The following USP6NL variants were observed in gnomAD, a reference collection of about 807,000 sequenced individuals.
USP6NL encodes USP6 N-terminal like, also known as USP6 N-terminal-like protein.
A neutral mutation model predicts 61.9 loss-of-function variants in USP6NL; 26 were observed. The observed-to-expected ratio is 0.42, with a 90% CI of 0.31 to 0.58. The LOEUF is 0.58. Among genes scored for constraint, USP6NL ranks in the 20% least tolerant of loss-of-function variants. The probability of loss-of-function intolerance (pLI) is 0.16; values close to 1 mark genes in which losing one functional copy is unlikely to be tolerated. For missense variants in USP6NL, 1,114 were observed against 1,034.3 expected (o/e 1.08, Z -1.06); for synonymous variants, 432 against 390.1 (o/e 1.11, Z -1.27).
chr10:11,509,574 A>G, intron 6 of USP6NL, 21 bp downstream of exon 6: 3 of 1,523,674 alleles, frequency 2.0e-6, no homozygotes, highest in East Asian at 2.4e-5. Flanking sequence ...TTTCATATGG[A>G]AAAACATGAT....
chr10:11,542,784 G>A (rs895558338), intron 2 of USP6NL, among the ~76,000 whole-genome samples: 2 of 152,024 alleles, frequency 1.3e-5, no homozygotes, highest in Admixed American at 1.3e-4. Flanking sequence ...AGAGAAAGCT[G>A]CAATGTTACA....
chr10:11,493,308 T>C (rs1833780094), intron 7 of USP6NL, 80 bp from the exon 8 acceptor site: 2 of 1,265,284 alleles, frequency 1.6e-6, no homozygotes, highest in Non-Finnish European at 2.2e-6. Context: ...ATAATTCTCA[T>C]TAAAAAGTTT....
At position 11,561,101 on chromosome 10, in the gene USP6NL, T is replaced by C. The variant is rs1203131274; in HGVS notation, c.5-33534A>G. Among the ~76,000 whole-genome samples, 1 of 152,204 alleles carries C rather than the reference T, an allele frequency of 6.6e-6. No individual in the cohort carries two copies. Among genetic ancestry groups the C allele is most frequent in the Non-Finnish European group, 1.5e-5 (1 of 68,028 alleles). On this transcript the variant is annotated intron_variant, in intron 2 of 14. Transcript: ENST00000609104. The surrounding 1 kb of genome is among the most constrained non-coding windows in gnomAD (Gnocchi z 4.1). The stretch of plus-strand genomic sequence containing the variant: ...TGAGTTGCAAAGAAAAAACATTTAG[T>C]ATACTCTATGTCATAGGACGGTAAA...
chr10:11,566,087 G>C (rs1413932970), intron 2 of USP6NL, among the ~76,000 whole-genome samples: 3 of 152,180 alleles, frequency 2.0e-5, no homozygotes, highest in Non-Finnish European at 4.4e-5. Flanking sequence ...CACAGGGCTA[G>C]AGCTGGATGG....
intron 2 of USP6NL, among the ~76,000 whole-genome samples, chr10:11,582,630 G>A (rs1002189725): frequency 6.6e-6 from 1 of 152,162 alleles, no homozygotes; most frequent in Non-Finnish European, 1.5e-5. Context: ...GATAGTAATT[G>A]TTTATGAACA....
chr10:11,535,040 A>G (rs1591900008), intron 2 of USP6NL, among the ~76,000 whole-genome samples: 1 of 152,222 alleles, frequency 6.6e-6, no homozygotes, highest in African/African-American at 2.4e-5. Flanking sequence ...AACTAGAATC[A>G]TTCTAAAATC....
intron 2 of USP6NL, among the ~76,000 whole-genome samples, chr10:11,552,585 T>C (rs1207900392): frequency 6.6e-6 from 1 of 152,218 alleles, no homozygotes; most frequent in Admixed American, 6.5e-5. Context: ...TGAAGTTCTA[T>C]AACATCCTTT....
At chr10:11,576,426 T>C (rs999292824) in intron 2 of USP6NL, among the ~76,000 whole-genome samples, 1 of 152,194 alleles carries the variant, frequency 6.6e-6, no homozygotes, top group Non-Finnish European at 1.5e-5. Context: ...GGTGATGGTA[T>C]CATGAAGCAG....
At position 11,556,390 on chromosome 10, in the gene USP6NL, T is replaced by C. The variant is rs140505911; in HGVS notation, c.5-28823A>G. Reference sequence around the variant, plus strand: ...CAGGAGAAAAAGAATTTAAAACATGTAGAAAGATAGAAACAGAAAGTCAGA... The same window carrying C: ...CAGGAGAAAAAGAATTTAAAACATGCAGAAAGATAGAAACAGAAAGTCAGA... On this transcript the variant is annotated intron_variant, in intron 2 of 14. Coordinates refer to ENST00000609104, the MANE Select transcript of USP6NL (RefSeq NM_014688.5). 4.7e-4 allele frequency among the ~76,000 whole-genome samples: 72 copies of C among 152,148 alleles called. No homozygotes were observed. In the East Asian group the frequency reaches 0.014, roughly 29 times the overall value.
At chr10:11,494,599 A>G (rs1348222062) in intron 7 of USP6NL, among the ~76,000 whole-genome samples, 1 of 152,106 alleles carries the variant, frequency 6.6e-6, no homozygotes, top group African/African-American at 2.4e-5. Flanking sequence ...GTCTGGCTGC[A>G]CTGTTATTTA....
At chr10:11,484,244 G>A (rs1833363869) in intron 13 of USP6NL, among the ~76,000 whole-genome samples, 2 of 152,066 alleles carry the variant, frequency 1.3e-5, no homozygotes, top group East Asian at 3.8e-4. Flanking sequence ...TACAAGAGAA[G>A]TCACAGAATT....
chr10:11,593,244 G>C (rs1246412028), intron 2 of USP6NL, among the ~76,000 whole-genome samples: 1 of 152,190 alleles, frequency 6.6e-6, no homozygotes, highest in Non-Finnish European at 1.5e-5. Context: ...AAATAAGCTA[G>C]TAAGTGTTTT....
intron 2 of USP6NL, among the ~76,000 whole-genome samples, chr10:11,559,327 A>G (rs1457793702): frequency 6.6e-6 from 1 of 152,224 alleles, no homozygotes; most frequent in Non-Finnish European, 1.5e-5. Context: ...AAAAATTAGA[A>G]TTTCAAAAAT....
chr10:11,610,461 G>A (rs897439678), intron 1 of USP6NL, among the ~76,000 whole-genome samples: 1 of 152,154 alleles, frequency 6.6e-6, no homozygotes, highest in Non-Finnish European at 1.5e-5. Flanking sequence ...CAATATAGGA[G>A]GGAGTTGGCC....
chr10:11,535,181 G>A (rs1566164886), intron 2 of USP6NL, among the ~76,000 whole-genome samples: 2 of 152,172 alleles, frequency 1.3e-5, no homozygotes, highest in South Asian at 4.1e-4. Context: ...GGCCCTGTTT[G>A]TGGCATCTGC....
In USP6NL at chr10:11,463,086, T is replaced by C; in HGVS notation, c.1842A>G (p.Arg614=). ...TFKVQPPSHA[R]YPSQLDGEAR... is the part of the protein sequence containing the mutation. ...CTTCCCCATCTAGCTGGGACGGATA[T>C]CGTGCATGACTTGGAGGCTGTACTT... Residue 614 remains arginine (R), a synonymous_variant, in exon 15 of 15, where the codon CGA becomes CGG. Transcript: ENST00000609104. The surrounding 1 kb of genome is among the most constrained non-coding windows in gnomAD (Gnocchi z 6.3). 8 of 1,614,006 alleles carry C rather than the reference T, an allele frequency of 5.0e-6. No homozygotes were observed. The highest frequency in any genetic ancestry group is 6.8e-6 in the Non-Finnish European group (8 of 1,179,898).
At chr10:11,538,092 T>C (rs922922558) in intron 2 of USP6NL, among the ~76,000 whole-genome samples, 4 of 152,226 alleles carry the variant, frequency 2.6e-5, no homozygotes, top group African/African-American at 9.6e-5. Flanking sequence ...ATTTAAATTA[T>C]GGTTTTAATT....
chr10:11,594,422 T>C (rs1408011746), intron 2 of USP6NL, among the ~76,000 whole-genome samples: 2 of 152,228 alleles, frequency 1.3e-5, no homozygotes, highest in African/African-American at 2.4e-5. Flanking sequence ...GGGTAATTTT[T>C]TCTAGAATGA....
rs1837482434 is a variant in USP6NL at position 11,574,796 on chromosome 10, AT to A, written c.4+22834del. Among the ~76,000 whole-genome samples the A allele has an allele frequency of 6.6e-6, 1 of 152,164 alleles. No homozygotes were observed. Among genetic ancestry groups the A allele is most frequent in the Non-Finnish European group, 1.5e-5 (1 of 68,010 alleles). ...GCCTTCAGACAGTTAAAGGCTTGTT[AT>A]TTTCCCATTTTTCAGCTGGACAACT... On this transcript the variant is annotated intron_variant, in intron 2 of 14. Coordinates refer to ENST00000609104, the MANE Select transcript of USP6NL (RefSeq NM_014688.5). The surrounding 1 kb of genome is among the most constrained non-coding windows in gnomAD (Gnocchi z 4.3).
Sources: gnomAD v4.1 joint callset for allele counts (sites outside exome capture counted in the v4.1 genomes callset) on GRCh38, gnomAD v4.1.1 for gene constraint, Gnocchi (gnomAD v3.1) non-coding constraint, MANE v1.5 for transcripts, NCBI Gene and HGNC (gene_info 2026-07-23, HGNC 2026-07-21) for gene names.